The following KIF16B variants were observed in gnomAD, a reference collection of about 807,000 sequenced individuals.
The protein encoded by KIF16B is kinesin family member 16B.
In KIF16B, 98 loss-of-function variants were observed where a neutral mutation model predicts 156.3. The observed-to-expected ratio is 0.63, with a 90% confidence interval of 0.53 to 0.74. The LOEUF (loss-of-function observed/expected upper bound fraction) is 0.74, where lower values mean the gene tolerates loss of function less well. KIF16B is among the 30% of genes least tolerant of loss of function. KIF16B has a pLI of 0.00. For missense variants in KIF16B, 1,421 were observed against 1,606.5 expected (o/e 0.88, Z 1.97); for synonymous variants, 564 against 583.7 (o/e 0.97, Z 0.49).
chr20:16,431,341 A>G (rs1331355796), intron 12 of KIF16B, among the ~76,000 whole-genome samples: 1 of 152,160 alleles, frequency 6.6e-6, no homozygotes, highest in Non-Finnish European at 1.5e-5. Context: ...AGTCTTTGTG[A>G]TGTTCTACCA....
At chr20:16,539,169 T>C (rs763534641) in intron 1 of KIF16B, among the ~76,000 whole-genome samples, 4 of 152,100 alleles carry the variant, frequency 2.6e-5, no homozygotes, top group Non-Finnish European at 5.9e-5. Flanking sequence ...GCTATAGAGA[T>C]ACCTGAAAAG....
intron 12 of KIF16B, among the ~76,000 whole-genome samples, chr20:16,444,558 A>C (rs1466983306): frequency 6.6e-6 from 1 of 152,214 alleles, no homozygotes; most frequent in Non-Finnish European, 1.5e-5. Flanking sequence ...GGCGCGGGCC[A>C]AGAAGAAGGA....
intron 1 of KIF16B, among the ~76,000 whole-genome samples, chr20:16,536,168 T>A (rs1296369452): frequency 6.6e-6 from 1 of 152,126 alleles, no homozygotes; most frequent in Non-Finnish European, 1.5e-5. Flanking sequence ...TAAAAAACAA[T>A]GAAGTTATGT....
chr20:16,368,319 T>C, intron 22 of KIF16B: 2 of 991,940 alleles, frequency 2.0e-6, no homozygotes, highest in Non-Finnish European at 2.4e-6. Flanking sequence ...CCGCACCCTC[T>C]GCTGGCCTCA....
intron 15 of KIF16B, among the ~76,000 whole-genome samples, chr20:16,422,519 A>T (rs1282701315): frequency 6.6e-6 from 1 of 152,076 alleles, no homozygotes; most frequent in Non-Finnish European, 1.5e-5. Flanking sequence ...TGTGGCAGAG[A>T]ACTATTCCAA....
At chr20:16,399,007 T>G (rs1325965479) in intron 17 of KIF16B, among the ~76,000 whole-genome samples, 1 of 152,174 alleles carries the variant, frequency 6.6e-6, no homozygotes, top group African/African-American at 2.4e-5. Flanking sequence ...AGCCCCTAGT[T>G]TGGCCTAAGA....
At chr20:16,426,991 T>C in intron 15 of KIF16B, 113 bp downstream of exon 15, 1 of 962,706 alleles carries the variant, frequency 1.0e-6, no homozygotes, top group Non-Finnish European at 1.5e-6. Context: ...AGTCTCACCC[T>C]TTTTATACCT....
intron 25 of KIF16B, among the ~76,000 whole-genome samples, chr20:16,310,911 C>T (rs2063610425): frequency 6.6e-6 from 1 of 152,194 alleles, no homozygotes; most frequent in Non-Finnish European, 1.5e-5. Context: ...TATCTCAAAA[C>T]TCTAAAATGC....
At position 16,515,666 on chromosome 20, in the gene KIF16B, T is replaced by C. The variant is rs2069120075; in HGVS notation, c.232-2A>G. Reference sequence around the variant, plus strand: ...ATCTGTGCCGAGGGTTTTGAAAACCTGAAAGCCAAAAAGAACACACAAAAG... The same window carrying C: ...ATCTGTGCCGAGGGTTTTGAAAACCCGAAAGCCAAAAAGAACACACAAAAG... On this transcript the variant is annotated splice_acceptor_variant, in intron 3 of 25. Transcript: ENST00000354981. LOFTEE classifies it high-confidence loss of function. The C allele has an allele frequency of 1.9e-6, 3 of 1,546,940 alleles. No homozygotes were observed. Among genetic ancestry groups the C allele is most frequent in the Middle Eastern group, 1.7e-4 (1 of 5,924 alleles).
intron 25 of KIF16B, among the ~76,000 whole-genome samples, chr20:16,287,016 T>C (rs998350645): frequency 6.6e-6 from 1 of 152,144 alleles, no homozygotes; most frequent in African/African-American, 2.4e-5. Flanking sequence ...ATATAAACCA[T>C]CCAGCTGGGC....
chr20:16,568,182 T>C (rs1292367046), intron 1 of KIF16B, among the ~76,000 whole-genome samples: 1 of 151,854 alleles, frequency 6.6e-6, no homozygotes, highest in Non-Finnish European at 1.5e-5. Context: ...TTTTCTCTCC[T>C]GAACTTGATA....
intron 12 of KIF16B, among the ~76,000 whole-genome samples, chr20:16,475,238 C>G (rs138460510): frequency 6.6e-6 from 1 of 152,336 alleles, no homozygotes; most frequent in East Asian, 1.9e-4. Flanking sequence ...GTGCCAGGCA[C>G]TGCTTTCAAA....
chr20:16,330,352 G>A (rs999610179), intron 24 of KIF16B, among the ~76,000 whole-genome samples: 2 of 152,200 alleles, frequency 1.3e-5, no homozygotes, highest in Non-Finnish European at 2.9e-5. Context: ...GGATTAGAAG[G>A]CTTAGCTGAA....
chr20:16,477,506 C>T (rs1374096060), intron 12 of KIF16B, among the ~76,000 whole-genome samples: 53 of 152,148 alleles, frequency 3.5e-4, no homozygotes, highest in Non-Finnish European at 1.3e-4. Context: ...ATCACATCCA[C>T]TATGACTCTG....
At chr20:16,346,239 CACAAGGA>C (rs1215949976) in intron 23 of KIF16B, among the ~76,000 whole-genome samples, 3 of 152,188 alleles carry the variant, frequency 2.0e-5, no homozygotes, top group Non-Finnish European at 4.4e-5. Context: ...CAGCACATTG[CACAAGGA>C]AAGGGCAGTC....
chr20:16,403,302 C>CTTTAATATATTATA (rs1474818092), intron 17 of KIF16B, among the ~76,000 whole-genome samples: 1 of 152,152 alleles, frequency 6.6e-6, no homozygotes, highest in African/African-American at 2.4e-5. Flanking sequence ...TTATATTAAA[C>CTTTAATATATTATA]TTAAACATTA....
At chr20:16,488,189 A>C (rs2068180768) in intron 12 of KIF16B, among the ~76,000 whole-genome samples, 1 of 152,142 alleles carries the variant, frequency 6.6e-6, no homozygotes, top group Non-Finnish European at 1.5e-5. Flanking sequence ...GAGAAGAATA[A>C]CCAATGCTGG....
chr20:16,451,308 T>C (rs1435539944), intron 12 of KIF16B, among the ~76,000 whole-genome samples: 1 of 151,874 alleles, frequency 6.6e-6, no homozygotes, highest in Non-Finnish European at 1.5e-5. Flanking sequence ...TAAAAACACA[T>C]TTCATAGAAT....
chr20:16,322,138 T>C (rs1381769773), intron 24 of KIF16B, among the ~76,000 whole-genome samples: 1 of 151,934 alleles, frequency 6.6e-6, no homozygotes, highest in Non-Finnish European at 1.5e-5. Context: ...TGCAATTCGG[T>C]GAATAAAATA....
Sources: allele counts gnomAD v4.1 joint callset (sites outside exome capture counted in the v4.1 genomes callset), GRCh38; gene constraint gnomAD v4.1.1; transcripts MANE v1.5; gene names NCBI Gene and HGNC (gene_info 2026-07-23, HGNC 2026-07-21).